The following CD33 variants were observed in gnomAD, a reference collection of about 807,000 sequenced individuals.
The protein encoded by CD33 is myeloid cell surface antigen CD33.
A neutral mutation model predicts 31.4 loss-of-function variants in CD33; 25 were observed. That is an observed-to-expected ratio of 0.80 (90% confidence interval 0.58 to 1.11). The LOEUF (loss-of-function observed/expected upper bound fraction) is 1.11. Ranked by LOEUF, CD33 falls within the 50% of genes most tolerant of loss-of-function variation. CD33 has a pLI of 0.00. For synonymous variants in CD33, 176 were observed against 180.6 expected, an observed-to-expected ratio of 0.97 and a Z score of 0.20; for missense variants, 407 against 448.1, an observed-to-expected ratio of 0.91 and a Z score of 0.83.
At chr19:51,224,918 C>A, upstream of CD33, 1 of 661,318 alleles carries the variant, frequency 1.5e-6, no homozygotes. Flanking sequence ...CTGGGCGGGT[C>A]TCTGGCATCT....
chr19:51,229,369 CT>C (rs1198566399), intron 4 of CD33, among the ~76,000 whole-genome samples: 1 of 151,998 alleles, frequency 6.6e-6, no homozygotes, highest in Non-Finnish European at 1.5e-5. Flanking sequence ...TTATTGTCTC[CT>C]TTCTGATTTT....
chr19:51,215,640 G>A, the CD33 span, among the ~76,000 whole-genome samples: 1 of 152,108 alleles, frequency 6.6e-6, no homozygotes, highest in Non-Finnish European at 1.5e-5. Flanking sequence ...CACTCAGCAT[G>A]GCCAAAGTTG....
At chr19:51,236,008 A>C (rs1426240614) in intron 6 of CD33, 3 of 584,708 alleles carry the variant, frequency 5.1e-6, no homozygotes, top group Non-Finnish European at 6.2e-6. Context: ...AATACAAAAA[A>C]TTAGCCAGAT....
chr19:51,223,430 A>C (rs1980784217), upstream of CD33, among the ~76,000 whole-genome samples: 1 of 152,314 alleles, frequency 6.6e-6, no homozygotes, highest in East Asian at 1.9e-4. Flanking sequence ...GCAAGTACTA[A>C]TATGTCCCAG....
chr19:51,223,237 A>G (rs1980773597), upstream of CD33, among the ~76,000 whole-genome samples: 1 of 152,108 alleles, frequency 6.6e-6, no homozygotes, highest in Admixed American at 6.5e-5. Context: ...AAAGCACTAA[A>G]TGTATTGAAT....
chr19:51,225,511 A>G lies in CD33; in HGVS notation c.331A>G (p.Arg111Gly), dbSNP rs1980936039. 1 of 1,611,984 alleles carries G rather than the reference A, an allele frequency of 6.2e-7. No individual in the cohort carries two copies. Among genetic ancestry groups the G allele is most frequent in the African/African-American group, 1.3e-5 (1 of 74,824 alleles). Residue 111 changes from arginine to glycine, a missense_variant, in exon 2 of 7, where the codon AGG becomes GGG. Physicochemically the swap from Arg to Gly is moderately radical, Grantham distance 125 (BLOSUM62 -2). Coordinates refer to ENST00000262262, the MANE Select transcript of CD33 (RefSeq NM_001772.4). ...CSLSIVDARR[R>G]DNGSYFFRME... is the part of the protein sequence containing the mutation. ...CCTGAGCATCGTAGACGCCAGGAGG[A>G]GGGATAATGGTTCATACTTCTTTCG...
chr19:51,216,945 A>G, the CD33 span, among the ~76,000 whole-genome samples: 2 of 152,196 alleles, frequency 1.3e-5, no homozygotes, highest in Non-Finnish European at 2.9e-5. Context: ...TGCATTGCTC[A>G]GAGGCAGCAG....
the CD33 span, among the ~76,000 whole-genome samples, chr19:51,214,016 C>T: frequency 1.9e-4 from 28 of 149,838 alleles, no homozygotes; most frequent in East Asian, 3.9e-4. Context: ...TGTACCACCA[C>T]GCCTGGATAA....
At chr19:51,227,281 T>G (rs1981103640) in intron 4 of CD33, among the ~76,000 whole-genome samples, 1 of 152,216 alleles carries the variant, frequency 6.6e-6, no homozygotes, top group Non-Finnish European at 1.5e-5. Flanking sequence ...TGTAGTTTTT[T>G]GAGAAACTTC....
At chr19:51,227,602 G>A (rs965440502) in intron 4 of CD33, among the ~76,000 whole-genome samples, 6 of 152,122 alleles carry the variant, frequency 3.9e-5, no homozygotes, top group Non-Finnish European at 7.4e-5. Flanking sequence ...TGAGTTCCTC[G>A]TATGTTCTGG....
chr19:51,225,143 C>T lies in CD33; in HGVS notation c.25C>T (p.Leu9=). The change falls in exon 1 of 7, where the codon CTG becomes TTG. Residue 9 remains leucine, a synonymous_variant. Coordinates refer to ENST00000262262, the MANE Select transcript of CD33 (RefSeq NM_001772.4). MPLLLLLP[L]LWAGALAMDP... ...CATGCCGCTGCTGCTACTGCTGCCC[C>T]TGCTGTGGGCAGGTGAGTGGCTGTG... 1 of 1,614,066 alleles carries T rather than the reference C, an allele frequency of 6.2e-7. No homozygotes were observed. The highest frequency in any genetic ancestry group is 8.5e-7 in the Non-Finnish European group (1 of 1,179,990).
intron 2 of CD33, 36 bp from the exon 3 acceptor site, chr19:51,225,767 C>A: frequency 6.3e-7 from 1 of 1,596,898 alleles, no homozygotes; most frequent in South Asian, 1.1e-5. Flanking sequence ...CTGGACCCTC[C>A]CTCCTGATTC....
chr19:51,231,513 A>C (rs1485005295), intron 4 of CD33, among the ~76,000 whole-genome samples: 1 of 150,774 alleles, frequency 6.6e-6, no homozygotes. Flanking sequence ...TTAATAGGTT[A>C]TTTTCATTTC....
chr19:51,211,445 T>C, the CD33 span: 2 of 1,568,300 alleles, frequency 1.3e-6, no homozygotes, highest in Non-Finnish European at 1.7e-6. Flanking sequence ...TGATTCCGCC[T>C]CCTTGGGGAT....
rs1047419120 is a variant in CD33, at chr19:51,225,107, G to T, written c.-12G>T. On this transcript the variant is annotated 5_prime_UTR_variant, in exon 1 of 7. Coordinates refer to ENST00000262262, the MANE Select transcript of CD33 (RefSeq NM_001772.4). ...GCTCACACAGGAAGCCCTGGAAGCT[G>T]CTTCCTCAGACATGCCGCTGCTGCT... 9.9e-6 allele frequency: 16 copies of T among 1,613,426 alleles called. No homozygotes were observed. Among genetic ancestry groups the T allele is most frequent in the African/African-American group, 4.0e-5 (3 of 74,770 alleles).
intron 4 of CD33, among the ~76,000 whole-genome samples, chr19:51,227,869 T>C (rs1306867371): frequency 2.6e-5 from 4 of 152,188 alleles, no homozygotes; most frequent in African/African-American, 9.7e-5. Flanking sequence ...ATTCAGGTCT[T>C]TGATCCATTT....
Position 51,225,572 on chromosome 19 carries a change from C to T in CD33, c.392C>T (p.Ser131Phe). Residue 131 changes from serine (S) to phenylalanine (F), a missense_variant, in exon 2 of 7, where the codon TCT (serine) becomes TTT (phenylalanine). Coordinates refer to ENST00000262262, the MANE Select transcript of CD33 (RefSeq NM_001772.4). ...ERGSTKYSYK[S>F]PQLSVHVTDL... ...GGAAGTACCAAATACAGTTACAAAT[C>T]TCCCCAGCTCTCTGTGCATGTGACA... is the stretch of plus-strand genomic sequence containing the variant. 1 of 1,563,510 alleles carries T rather than the reference C, an allele frequency of 6.4e-7. No homozygotes were observed. Among genetic ancestry groups the T allele is most frequent in the Non-Finnish European group, 8.7e-7 (1 of 1,154,586 alleles).
chr19:51,216,476 G>T, the CD33 span, among the ~76,000 whole-genome samples: 4 of 152,034 alleles, frequency 2.6e-5, no homozygotes, highest in Admixed American at 6.6e-5. Flanking sequence ...TTGGGAGGCT[G>T]AGGTAGTGGA....
In CD33 at chr19:51,225,804, C is replaced by T. The variant is rs1319737690; in HGVS notation, c.420C>T (p.Asp140=). Residue 140 remains aspartate (D), a splice_region_variant and synonymous_variant, in exon 3 of 7, where the codon GAC becomes GAT. Coordinates refer to ENST00000262262, the MANE Select transcript of CD33 (RefSeq NM_001772.4). ...KSPQLSVHVT[D]LTHRPKILIP... is the part of the protein sequence containing the mutation. ...GCATCCCCTCTTTCTCCTCACTAGA[C>T]TTGACCCACAGGCCCAAAATCCTCA... 1.2e-6 allele frequency: 2 copies of T among 1,613,354 alleles called. No homozygotes were observed. Among genetic ancestry groups the T allele is most frequent in the South Asian group, 2.2e-5 (2 of 91,002 alleles).
Sources: gnomAD v4.1 joint callset for allele counts (sites outside exome capture counted in the v4.1 genomes callset) on GRCh38, gnomAD v4.1.1 for gene constraint, MANE v1.5 for transcripts, NCBI Gene and HGNC (gene_info 2026-07-23, HGNC 2026-07-21) for gene names.